The following BLTP1 variants were observed in gnomAD, a reference collection of about 807,000 sequenced individuals.
The protein encoded by BLTP1 is bridge-like lipid transfer protein family member 1.
chr4:122,208,533 T>A, the BLTP1 span: 2 of 948,646 alleles, frequency 2.1e-6, no homozygotes, highest in Non-Finnish European at 2.5e-6. Context: ...ATCTGAAAAA[T>A]TAATAAAAAT....
chr4:122,158,652 T>C, the BLTP1 span, among the ~76,000 whole-genome samples: 1 of 152,022 alleles, frequency 6.6e-6, no homozygotes, highest in Non-Finnish European at 1.5e-5. Flanking sequence ...GCACCTGTAG[T>C]CTCAGCTACT....
the BLTP1 span, among the ~76,000 whole-genome samples, chr4:122,265,635 C>A: frequency 6.6e-6 from 1 of 152,182 alleles, no homozygotes; most frequent in African/African-American, 2.4e-5. Flanking sequence ...CTAGGACAAT[C>A]GGAAATACAG....
chr4:122,310,127 TA>T, the BLTP1 span, among the ~76,000 whole-genome samples: 1 of 152,112 alleles, frequency 6.6e-6, no homozygotes, highest in Non-Finnish European at 1.5e-5. Flanking sequence ...TCTTGTAAAC[TA>T]AATTACTTAC....
chr4:122,259,191 A>C, the BLTP1 span, among the ~76,000 whole-genome samples: 2 of 152,078 alleles, frequency 1.3e-5, no homozygotes, highest in Non-Finnish European at 2.9e-5. Context: ...TTTGGGTTAG[A>C]CTGTTTTATG....
the BLTP1 span, chr4:122,306,060 A>T: frequency 4.4e-6 from 7 of 1,597,026 alleles, no homozygotes; most frequent in Non-Finnish European, 5.1e-6. Flanking sequence ...GATAAAGTCA[A>T]TCACTACTAT....
the BLTP1 span, chr4:122,299,083 G>T: frequency 2.1e-6 from 2 of 973,404 alleles, no homozygotes; most frequent in Non-Finnish European, 2.4e-6. Context: ...TTCCCCTTAA[G>T]AATTATTTAA....
chr4:122,258,704 C>T, the BLTP1 span: 2 of 1,612,670 alleles, frequency 1.2e-6, no homozygotes, highest in African/African-American at 2.7e-5. Context: ...GTTTCAGCCA[C>T]AGTCAGTGAA....
the BLTP1 span, among the ~76,000 whole-genome samples, chr4:122,252,200 T>G: frequency 6.6e-6 from 1 of 152,172 alleles, no homozygotes; most frequent in African/African-American, 2.4e-5. Flanking sequence ...ATGTGCTGGT[T>G]TAGGTGTGAC....
At chr4:122,219,235 T>C in the BLTP1 span, 1 of 1,484,544 alleles carries the variant, frequency 6.7e-7, no homozygotes, top group East Asian at 2.3e-5. Context: ...TTTTATTAAA[T>C]ATAATAGGTT....
At chr4:122,249,971 C>A in the BLTP1 span, 1 of 968,484 alleles carries the variant, frequency 1.0e-6, no homozygotes, top group Non-Finnish European at 1.2e-6. Flanking sequence ...TGAAACTTTG[C>A]ATCTTTGAAA....
At chr4:122,234,315 G>T in the BLTP1 span, 1 of 228,038 alleles carries the variant, frequency 4.4e-6, no homozygotes, top group Non-Finnish European at 7.2e-6. Context: ...CTTCATATTT[G>T]TAATTTTTCA....
the BLTP1 span, chr4:122,331,491 A>G: frequency 6.2e-7 from 1 of 1,611,600 alleles, no homozygotes; most frequent in Non-Finnish European, 8.5e-7. Flanking sequence ...GAAAATGTGT[A>G]CTCCACCCAA....
the BLTP1 span, chr4:122,261,994 G>T: frequency 1.0e-6 from 1 of 985,196 alleles, no homozygotes; most frequent in Non-Finnish European, 1.2e-6. Flanking sequence ...CTTGCTATTA[G>T]CAAAAAGCCT....
the BLTP1 span, chr4:122,275,895 A>G: frequency 1.4e-6 from 2 of 1,398,676 alleles, no homozygotes; most frequent in Non-Finnish European, 9.3e-7. Flanking sequence ...GATTGGTCAT[A>G]TTGTAACTAA....
chr4:122,249,770 AACCTGAATCAACAT>A, the BLTP1 span: 1 of 1,518,226 alleles, frequency 6.6e-7, no homozygotes, highest in Non-Finnish European at 8.9e-7. Context: ...GGCTTTCAGT[AACCTGAATCAACAT>A]AATAAAGCAG....
At chr4:122,245,490 C>T in the BLTP1 span, among the ~76,000 whole-genome samples, 3 of 152,038 alleles carry the variant, frequency 2.0e-5, no homozygotes, top group African/African-American at 4.8e-5. Flanking sequence ...TTTTGATTTT[C>T]CTCTATGATT....
At chr4:122,193,380 G>A in the BLTP1 span, 63 of 152,740 alleles carry the variant, frequency 4.1e-4, no homozygotes, top group Non-Finnish European at 7.7e-4. Flanking sequence ...TTGAGAGTTA[G>A]CCAGGGAAAG....
chr4:122,247,055 G>A, the BLTP1 span: 2 of 1,386,910 alleles, frequency 1.4e-6, no homozygotes, highest in African/African-American at 1.5e-5. Context: ...GTGTATAATA[G>A]TAGAGTGTTT....
the BLTP1 span, chr4:122,349,549 T>A: frequency 6.2e-7 from 1 of 1,612,770 alleles, no homozygotes; most frequent in Non-Finnish European, 8.5e-7. This position sits in a 1 kb window ranked among gnomAD's most constrained non-coding sequence, Gnocchi z 4.5. Context: ...TCAAGTATCC[T>A]CATGGGCATC....
Sources: allele counts gnomAD v4.1 joint callset (sites outside exome capture counted in the v4.1 genomes callset), GRCh38; gene constraint gnomAD v4.1.1; non-coding constraint Gnocchi (gnomAD v3.1); transcripts MANE v1.5; gene names NCBI Gene and HGNC (gene_info 2026-07-23, HGNC 2026-07-21).